PTPRD: variants seen among roughly 807,000 people sequenced by gnomAD.
PTPRD encodes receptor-type tyrosine-protein phosphatase delta.
A neutral mutation model predicts 214.5 loss-of-function variants in PTPRD; 34 were observed. The ratio of observed to expected loss-of-function variants is 0.16; its 90% confidence interval spans 0.12 to 0.21. PTPRD has a LOEUF of 0.21. Among genes scored for constraint, PTPRD ranks in the 10% least tolerant of loss-of-function variants. The pLI is 1.00. For missense variants in PTPRD, 2,545 were observed against 2,398.7 expected, an observed-to-expected ratio of 1.06 and a Z score of -1.27; for synonymous variants, 1,128 against 845.7, an observed-to-expected ratio of 1.33 and a Z score of -5.79.
chr9:9,765,670 T>C (rs1298952946), intron 6 of PTPRD, among the ~76,000 whole-genome samples: 1 of 152,232 alleles, frequency 6.6e-6, no homozygotes, highest in East Asian at 1.9e-4. Flanking sequence ...TATTCGTTTA[T>C]TTATTTTTGA....
At position 9,888,361 on chromosome 9, in the gene PTPRD, C is replaced by T. The variant is rs565324531; in HGVS notation, c.-368+50146G>A. On this transcript the variant is annotated intron_variant, in intron 5 of 45. Coordinates refer to ENST00000381196, the MANE Select transcript of PTPRD (RefSeq NM_002839.4). ...GAAGACAAGATATAGAGGACTACTG[C>T]CATCATATTGTGAGGCGATGAGTAT... Among the ~76,000 whole-genome samples the T allele has an allele frequency of 1.8e-4, 27 of 152,238 alleles. No homozygotes were observed. The South Asian group carries it at 5.4e-3, about 30-fold the overall frequency.
chr9:10,069,983 T>C (rs1432093592), intron 3 of PTPRD, among the ~76,000 whole-genome samples: 1 of 152,052 alleles, frequency 6.6e-6, no homozygotes, highest in African/African-American at 2.4e-5. Context: ...AACACACTGA[T>C]TATTGTTAAA....
rs184151315 is a variant in PTPRD, at chr9:9,144,315, T to G, written c.-143+38989A>C. On this transcript the variant is annotated intron_variant, in intron 10 of 45. Transcript: ENST00000381196. ...TGCTGTGAGATGATTTACTGCAATT[T>G]GTCACTTTTTGAAACTGTTCCAAAA... 6.0e-4 allele frequency among the ~76,000 whole-genome samples: 91 copies of G among 152,330 alleles called. 1 individual carries two copies. The highest frequency in any genetic ancestry group is 2.0e-3 in the African/African-American group (85 of 41,576).
chr9:9,947,722 A>G (rs2092971597), intron 4 of PTPRD, among the ~76,000 whole-genome samples: 1 of 138,532 alleles, frequency 7.2e-6, no homozygotes, highest in East Asian at 2.0e-4. Flanking sequence ...AAGGACTAAA[A>G]TACTTGAAGT....
At chr9:8,487,806 T>C (rs1157418617) in intron 27 of PTPRD, among the ~76,000 whole-genome samples, 2 of 139,650 alleles carry the variant, frequency 1.4e-5, no homozygotes, top group Non-Finnish European at 3.2e-5. Context: ...GCAAATTCCG[T>C]CTCAAAAACA....
chr9:8,516,693 C>G (rs2097786109), intron 21 of PTPRD, among the ~76,000 whole-genome samples: 1 of 151,116 alleles, frequency 6.6e-6, no homozygotes, highest in African/African-American at 2.4e-5. Flanking sequence ...GATTTCAAAA[C>G]AAGCCAACAG....
chr9:9,784,506 T>G (rs2098900708), intron 5 of PTPRD, among the ~76,000 whole-genome samples: 1 of 152,084 alleles, frequency 6.6e-6, no homozygotes, highest in Admixed American at 6.6e-5. Context: ...TTCTTTTTCC[T>G]GTTTCACAAA....
At chr9:9,415,925 G>A (rs545115142) in intron 8 of PTPRD, among the ~76,000 whole-genome samples, 7 of 151,988 alleles carry the variant, frequency 4.6e-5, no homozygotes, top group Non-Finnish European at 1.0e-4. Flanking sequence ...TGAAGTCCCA[G>A]AAGGAAAAAA....
At chr9:10,570,025 G>T (rs369357160) in intron 2 of PTPRD, among the ~76,000 whole-genome samples, 1 of 151,706 alleles carries the variant, frequency 6.6e-6, no homozygotes, top group East Asian at 1.9e-4. Flanking sequence ...GGTCATTTTC[G>T]TATAAAACTA....
rs7022343 is a variant in PTPRD at position 10,295,527 on chromosome 9, C to T, written c.-545+45436G>A. Among the ~76,000 whole-genome samples the T allele has an allele frequency of 5.3e-3, 805 of 152,122 alleles. 8 individuals are homozygous for T. The highest frequency in any genetic ancestry group is 0.018 in the African/African-American group (757 of 41,518). ...AAGACCTGCTTTCTCTTAGGTTCTC[C>T]GATTACTCCCTTCTCTGTGATTACA... On this transcript the variant is annotated intron_variant, in intron 3 of 45. Transcript: ENST00000381196.
chr9:10,386,856 G>A (rs933556080), intron 2 of PTPRD, among the ~76,000 whole-genome samples: 2 of 151,746 alleles, frequency 1.3e-5, no homozygotes, highest in Admixed American at 6.6e-5. Context: ...TGGAATTAAG[G>A]CTGCTAATAA....
At chr9:10,506,447 T>C (rs2045994416) in intron 2 of PTPRD, among the ~76,000 whole-genome samples, 1 of 152,152 alleles carries the variant, frequency 6.6e-6, no homozygotes, top group African/African-American at 2.4e-5. Context: ...GACTAATTTA[T>C]GTACATTTTA....
At chr9:8,329,131 G>C (rs1837034579) in intron 44 of PTPRD, among the ~76,000 whole-genome samples, 1 of 152,062 alleles carries the variant, frequency 6.6e-6, no homozygotes, top group Admixed American at 6.6e-5. Context: ...GGAATGTTCA[G>C]CCTTTTTGTG....
chr9:8,911,018 C>T (rs908575345), intron 11 of PTPRD, among the ~76,000 whole-genome samples: 3 of 152,294 alleles, frequency 2.0e-5, no homozygotes, highest in East Asian at 1.9e-4. Context: ...TGGTCATTCT[C>T]GTTCAAACTT....
At chr9:9,144,739 C>T (rs549127677) in intron 10 of PTPRD, among the ~76,000 whole-genome samples, 40 of 151,840 alleles carry the variant, frequency 2.6e-4, no homozygotes, top group African/African-American at 8.5e-4. Context: ...GGCGACAGAG[C>T]GAGACTCTGT....
intron 10 of PTPRD, among the ~76,000 whole-genome samples, chr9:9,163,193 C>G (rs368458905): frequency 6.6e-6 from 1 of 152,134 alleles, no homozygotes; most frequent in African/African-American, 2.4e-5. Flanking sequence ...AATCTGTAAA[C>G]TGATGACTCC....
At chr9:9,791,837 G>A (rs1048482960) in intron 5 of PTPRD, among the ~76,000 whole-genome samples, 1 of 152,050 alleles carries the variant, frequency 6.6e-6, no homozygotes, top group Non-Finnish European at 1.5e-5. Context: ...TTTCTAAATA[G>A]CAGCCATGCT....
chr9:8,643,759 C>G (rs1432575097), intron 12 of PTPRD, among the ~76,000 whole-genome samples: 1 of 152,238 alleles, frequency 6.6e-6, no homozygotes, highest in Non-Finnish European at 1.5e-5. Flanking sequence ...ACTTTAGGTA[C>G]TGACCAGGGT....
At chr9:10,449,532 G>A (rs1566111739) in intron 2 of PTPRD, among the ~76,000 whole-genome samples, 1 of 151,290 alleles carries the variant, frequency 6.6e-6, no homozygotes. Context: ...CCTCTGCCCA[G>A]CCACCCAGTC....
Sources: gnomAD v4.1 joint callset for allele counts (sites outside exome capture counted in the v4.1 genomes callset) on GRCh38, gnomAD v4.1.1 for gene constraint, MANE v1.5 for transcripts, NCBI Gene and HGNC (gene_info 2026-07-23, HGNC 2026-07-21) for gene names.